The following DPP10 variants were observed in gnomAD, a reference collection of about 807,000 sequenced individuals.
DPP10 encodes the protein dipeptidyl peptidase like 10, also known as inactive dipeptidyl peptidase 10.
A neutral mutation model predicts 120.9 loss-of-function variants in DPP10; 33 were observed. That is an observed-to-expected ratio of 0.27 (90% CI 0.21 to 0.37). The LOEUF (loss-of-function observed/expected upper bound fraction) is 0.37. Ranked by LOEUF, DPP10 falls within the 10% of genes least tolerant of loss-of-function variation. The probability of loss-of-function intolerance (pLI) is 1.00; values close to 1 mark genes in which losing one functional copy is unlikely to be tolerated. For missense variants in DPP10, 816 were observed against 942.8 expected (o/e 0.87, Z 1.76); for synonymous variants, 337 against 326.1 (o/e 1.03, Z -0.36).
At chr2:115,775,479 A>G (rs1681989155) in intron 13 of DPP10, among the ~76,000 whole-genome samples, 1 of 152,030 alleles carries the variant, frequency 6.6e-6, no homozygotes, top group African/African-American at 2.4e-5. Flanking sequence ...GATGCAATCT[A>G]GAAAAAAAAA....
intron 1 of DPP10, among the ~76,000 whole-genome samples, chr2:115,285,633 C>A (rs113688289): frequency 1.3e-5 from 2 of 151,924 alleles, no homozygotes; most frequent in African/African-American, 4.8e-5. Flanking sequence ...AAGCAAAGAA[C>A]GTTGTTAAAT....
intron 1 of DPP10, among the ~76,000 whole-genome samples, chr2:114,749,773 G>A (rs1267585320): frequency 6.6e-6 from 1 of 151,790 alleles, no homozygotes; most frequent in Non-Finnish European, 1.5e-5. Flanking sequence ...AAAAATACAT[G>A]AACGCCAAAG....
chr2:115,335,462 A>T (rs747349530), intron 2 of DPP10, among the ~76,000 whole-genome samples: 2 of 152,046 alleles, frequency 1.3e-5, no homozygotes, highest in Non-Finnish European at 2.9e-5. Flanking sequence ...CCTGATCTCA[A>T]ATGACATAAA....
intron 4 of DPP10, among the ~76,000 whole-genome samples, chr2:115,519,463 T>G (rs1288628376): frequency 1.3e-5 from 2 of 152,120 alleles, no homozygotes; most frequent in East Asian, 3.9e-4. Context: ...AAAATATAGA[T>G]ATTGCAGATG....
chr2:114,506,474 CG>C (rs1683667318), intron 1 of DPP10, among the ~76,000 whole-genome samples: 1 of 152,072 alleles, frequency 6.6e-6, no homozygotes, highest in Admixed American at 6.6e-5. Context: ...GCCATGAGTG[CG>C]GGTACAAAAG....
intron 1 of DPP10, among the ~76,000 whole-genome samples, chr2:114,539,363 G>C (rs1305059044): frequency 1.3e-5 from 2 of 151,764 alleles, no homozygotes; most frequent in Non-Finnish European, 2.9e-5. Flanking sequence ...TCACAGCTCT[G>C]ATGGAAGTTC....
intron 3 of DPP10, among the ~76,000 whole-genome samples, chr2:115,437,851 TTG>T (rs1213469245): frequency 6.6e-6 from 1 of 152,098 alleles, no homozygotes; most frequent in Non-Finnish European, 1.5e-5. Flanking sequence ...CAACGTTTTG[TTG>T]TGTCTAAATT....
At chr2:115,580,208 T>G (rs569453176) in intron 5 of DPP10, 7 of 152,340 alleles carry the variant, frequency 4.6e-5, no homozygotes, top group African/African-American at 7.2e-5. Flanking sequence ...CCATTAGCAT[T>G]TTCTTATGGG....
chr2:115,807,928 G>C (rs1239202845), intron 19 of DPP10, among the ~76,000 whole-genome samples: 1 of 152,004 alleles, frequency 6.6e-6, no homozygotes, highest in Non-Finnish European at 1.5e-5. Flanking sequence ...CAATGTTAAT[G>C]AACAGACCCA....
intron 24 of DPP10, among the ~76,000 whole-genome samples, chr2:115,839,534 C>T (rs1205128901): frequency 6.6e-6 from 1 of 151,808 alleles, no homozygotes; most frequent in Non-Finnish European, 1.5e-5. Context: ...ATTAGCTGGG[C>T]ATGGTGGTGC....
At chr2:115,270,101 C>T (rs1029018817) in intron 1 of DPP10, among the ~76,000 whole-genome samples, 1 of 144,124 alleles carries the variant, frequency 6.9e-6, no homozygotes, top group Non-Finnish European at 1.5e-5. Flanking sequence ...CACACACACA[C>T]ACACACACAC....
At chr2:115,202,003 A>G (rs1274428571) in intron 1 of DPP10, among the ~76,000 whole-genome samples, 1 of 152,124 alleles carries the variant, frequency 6.6e-6, no homozygotes, top group East Asian at 1.9e-4. Context: ...CAGGGTTCTC[A>G]ATTTTGTGTT....
intron 2 of DPP10, among the ~76,000 whole-genome samples, chr2:115,321,502 G>A (rs1309582605): frequency 1.5e-5 from 2 of 129,212 alleles, no homozygotes; most frequent in Non-Finnish European, 3.2e-5. Context: ...GTCTCAGAAT[G>A]CATTTTTTTA....
chr2:115,843,631 C>T lies in DPP10; in HGVS notation c.*1286C>T, dbSNP rs946886330. 1 of 152,158 alleles carries T rather than the reference C, an allele frequency of 6.6e-6. No homozygotes were observed. The highest frequency in any genetic ancestry group is 1.5e-5 in the Non-Finnish European group (1 of 67,996). The allele number at this position is 152,158 out of a possible 1,614,324, so 9.4% of individuals were successfully genotyped here. On this transcript the variant is annotated 3_prime_UTR_variant, in exon 26 of 26. Coordinates refer to ENST00000410059, the MANE Select transcript of DPP10 (RefSeq NM_020868.6). ...TTTGAATTGAAGGCACAAAATGCAT[C>T]AATTCCTGTGCTGTGTTGACTTGCA... is the stretch of plus-strand genomic sequence containing the variant.
intron 3 of DPP10, among the ~76,000 whole-genome samples, chr2:115,415,087 G>A (rs539854228): frequency 1.3e-5 from 2 of 152,268 alleles, no homozygotes; most frequent in South Asian, 4.1e-4. Flanking sequence ...GCTGCAAACT[G>A]TGATCCTATT....
chr2:115,376,640 C>T (rs1368113198), intron 3 of DPP10, among the ~76,000 whole-genome samples: 25 of 150,628 alleles, frequency 1.7e-4, no homozygotes, highest in East Asian at 1.4e-3. Context: ...CATGCTGGTG[C>T]GCTGCACCCA....
chr2:115,205,971 C>A (rs1022475389), intron 1 of DPP10, among the ~76,000 whole-genome samples: 1 of 152,058 alleles, frequency 6.6e-6, no homozygotes, highest in African/African-American at 2.4e-5. Context: ...CCCAACTTCA[C>A]CATCACACAA....
rs1440083189 is a variant in DPP10, at chr2:114,834,792, CACACCTAT to C, written c.60+391955_60+391962del. On this transcript the variant is annotated intron_variant, in intron 1 of 25. Transcript: ENST00000410059. ...CCTATGTATATATAAGCCATGTCTACACACCTATGTATATATAAGCCATGTCTACACAC... is the reference window on the plus strand; with the variant it reads ...CCTATGTATATATAAGCCATGTCTACGTATATATAAGCCATGTCTACACAC... Among the ~76,000 whole-genome samples the C allele has an allele frequency of 5.2e-3, 770 of 147,876 alleles. 14 individuals are homozygous for C. Among genetic ancestry groups the C allele is most frequent in the African/African-American group, 0.018 (717 of 39,776 alleles).
At chr2:114,500,099 A>G (rs1683028196) in intron 1 of DPP10, among the ~76,000 whole-genome samples, 1 of 152,176 alleles carries the variant, frequency 6.6e-6, no homozygotes, top group Admixed American at 6.5e-5. Flanking sequence ...ATCGTGGCAC[A>G]TTTTATGCTG....
Sources: allele counts gnomAD v4.1 joint callset (sites outside exome capture counted in the v4.1 genomes callset), GRCh38; gene constraint gnomAD v4.1.1; transcripts MANE v1.5; gene names NCBI Gene and HGNC (gene_info 2026-07-23, HGNC 2026-07-21).